MAP2K4: variants seen among roughly 807,000 people sequenced by gnomAD.
MAP2K4 encodes dual specificity mitogen-activated protein kinase kinase 4.
A neutral mutation model predicts 48.5 loss-of-function variants in MAP2K4; 4 were observed. The ratio of observed to expected loss-of-function variants is 0.08; its 90% CI spans 0.04 to 0.19. MAP2K4 has a LOEUF of 0.19. MAP2K4 is among the 10% of genes least tolerant of loss of function. MAP2K4 has a pLI of 1.00. For synonymous variants in MAP2K4, 166 were observed against 173.1 expected (o/e 0.96, Z 0.32); for missense variants, 258 against 493.3 (o/e 0.52, Z 4.52).
intron 5 of MAP2K4, 148 bp from the exon 6 acceptor site, chr17:12,110,226 CT>C (rs1228223088): frequency 1.6e-6 from 1 of 638,718 alleles, no homozygotes; most frequent in Non-Finnish European, 2.8e-6. Flanking sequence ...TATTCAGTAT[CT>C]TTGGTTAACA....
At chr17:12,104,082 T>G (rs963412098) in intron 4 of MAP2K4, among the ~76,000 whole-genome samples, 60 of 152,158 alleles carry the variant, frequency 3.9e-4, no homozygotes, top group Non-Finnish European at 1.0e-4. Context: ...CCAACTGGAG[T>G]ACCGACTTAA....
chr17:12,084,203 A>ACTTAATCT (rs1404076118), intron 3 of MAP2K4, among the ~76,000 whole-genome samples: 1 of 152,156 alleles, frequency 6.6e-6, no homozygotes, highest in East Asian at 1.9e-4. Flanking sequence ...TACCCCAAAG[A>ACTTAATCT]CTTAATCTAA....
chr17:12,100,890 A>C (rs1971915730), intron 4 of MAP2K4, among the ~76,000 whole-genome samples: 1 of 152,066 alleles, frequency 6.6e-6, no homozygotes, highest in African/African-American at 2.4e-5. Context: ...TCTGTTGTAC[A>C]TTTTTATTTA....
intron 2 of MAP2K4, among the ~76,000 whole-genome samples, chr17:12,076,863 G>A (rs1374798802): frequency 2.0e-5 from 3 of 152,044 alleles, no homozygotes; most frequent in Middle Eastern, 3.4e-3. Context: ...TATTTTGTGT[G>A]TGTGTGTGTG....
At chr17:12,091,786 C>G (rs1457445564) in intron 3 of MAP2K4, among the ~76,000 whole-genome samples, 1 of 152,038 alleles carries the variant, frequency 6.6e-6, no homozygotes, top group East Asian at 1.9e-4. Context: ...AAAAAATTAA[C>G]TTCAAGTTTA....
chr17:12,063,742 G>T (rs1597427612), intron 2 of MAP2K4, among the ~76,000 whole-genome samples: 1 of 152,146 alleles, frequency 6.6e-6, no homozygotes, highest in East Asian at 1.9e-4. Context: ...GGAGGCCGAG[G>T]CAGGCGGGTC....
At chr17:12,113,740 G>A (rs746073124) in intron 7 of MAP2K4, among the ~76,000 whole-genome samples, 66 of 152,184 alleles carry the variant, frequency 4.3e-4, no homozygotes, top group Non-Finnish European at 3.4e-4. Flanking sequence ...TACAGAGTCT[G>A]AAGCTGCATA....
At chr17:12,022,504 A>G (rs1969117301) in intron 1 of MAP2K4, among the ~76,000 whole-genome samples, 1 of 152,206 alleles carries the variant, frequency 6.6e-6, no homozygotes, top group Non-Finnish European at 1.5e-5. Context: ...TTAGGATTGT[A>G]TTTCTTGTTC....
At chr17:12,138,332 C>T (rs1973269934) in intron 9 of MAP2K4, among the ~76,000 whole-genome samples, 2 of 152,016 alleles carry the variant, frequency 1.3e-5, no homozygotes, top group African/African-American at 4.8e-5. Context: ...CAACCAGAAG[C>T]CTTACTGATA....
At chr17:12,109,683 A>G (rs959173344) in intron 5 of MAP2K4, among the ~76,000 whole-genome samples, 4 of 152,188 alleles carry the variant, frequency 2.6e-5, no homozygotes, top group African/African-American at 4.8e-5. Flanking sequence ...TTAGCATCCA[A>G]TGAGGGTGGA....
rs538102251 is a variant in MAP2K4, at chr17:12,059,735, T to G, written c.218+4744T>G. 2.2e-4 allele frequency among the ~76,000 whole-genome samples: 34 copies of G among 152,344 alleles called. No homozygotes were observed. The East Asian group carries it at 3.5e-3, about 16-fold the overall frequency. On this transcript the variant is annotated intron_variant, in intron 2 of 10. Transcript: ENST00000353533. ...TGCTATAGAACATCTAGGAGTAGTT[T>G]AAAGAGGTTTCAAAGTCCCTAGTTA...
At position 12,081,279 on chromosome 17, in the gene MAP2K4, C is replaced by A; in HGVS notation, c.219-77C>A. 9.0e-7 allele frequency: 1 copy of A among 1,116,018 alleles called. No individual in the cohort carries two copies. The highest frequency in any genetic ancestry group is 1.3e-6 in the Non-Finnish European group (1 of 789,768). 69.1% of individuals were successfully genotyped at this position (1,116,018 alleles called of 1,614,324 possible). ...AGTAATTTAGAAAACATTTTTCCCACACATTAATCAGTACTAAAAGAAAAA... is the reference window on the plus strand; with the variant it reads ...AGTAATTTAGAAAACATTTTTCCCAAACATTAATCAGTACTAAAAGAAAAA... On this transcript the variant is annotated intron_variant, in intron 2 of 10. Transcript: ENST00000353533. This position sits in a 1 kb window ranked among gnomAD's most constrained non-coding sequence, Gnocchi z 4.2.
chr17:12,073,218 C>A (rs551533887), intron 2 of MAP2K4, among the ~76,000 whole-genome samples: 3 of 152,078 alleles, frequency 2.0e-5, no homozygotes, highest in African/African-American at 7.2e-5. Flanking sequence ...ATGTTCATTT[C>A]TTCTCCTGCC....
intron 9 of MAP2K4, among the ~76,000 whole-genome samples, chr17:12,137,841 T>C (rs1264510278): frequency 1.3e-5 from 2 of 152,146 alleles, no homozygotes; most frequent in Non-Finnish European, 2.9e-5. Flanking sequence ...TTAATTGATA[T>C]TCTGTAGTTT....
At chr17:12,054,122 A>G (rs1970219682) in intron 1 of MAP2K4, among the ~76,000 whole-genome samples, 1 of 152,272 alleles carries the variant, frequency 6.6e-6, no homozygotes, top group Admixed American at 6.5e-5. Flanking sequence ...TCTGATTTCA[A>G]TTGTAGTGAA....
chr17:12,056,460 CTAAT>C (rs1348111508), intron 2 of MAP2K4, among the ~76,000 whole-genome samples: 1 of 152,016 alleles, frequency 6.6e-6, no homozygotes, highest in African/African-American at 2.4e-5. Context: ...TTGTTCTTAA[CTAAT>C]GTTTTATAAT....
Position 12,142,621 on chromosome 17 carries a change from G to A in MAP2K4, c.*1361G>A, listed in dbSNP as rs1433459464. On this transcript the variant is annotated 3_prime_UTR_variant, in exon 11 of 11. Transcript: ENST00000353533. Reference sequence around the variant, plus strand: ...GAGGATCCGAAACGGCAGCCTTTACGTTCATCACCTGCTAGAACCTCTCGT... The same window carrying A: ...GAGGATCCGAAACGGCAGCCTTTACATTCATCACCTGCTAGAACCTCTCGT... 2 of 232,946 alleles carry A rather than the reference G, an allele frequency of 8.6e-6. No individual in the cohort carries two copies. Among genetic ancestry groups the A allele is most frequent in the Admixed American group, 5.6e-5 (1 of 17,756 alleles). The allele number at this position is 232,946 out of a possible 1,614,324, so 14.4% of individuals were successfully genotyped here.
intron 3 of MAP2K4, among the ~76,000 whole-genome samples, chr17:12,092,894 C>T (rs377662177): frequency 3.3e-5 from 5 of 152,034 alleles, no homozygotes; most frequent in East Asian, 1.9e-4. Context: ...GGAGTGGTGG[C>T]GGGCGCCTGT....
Position 12,141,135 on chromosome 17 carries a change from A to G in MAP2K4, c.1087-12A>G. 1.3e-6 allele frequency: 2 copies of G among 1,574,734 alleles called. No individual in the cohort carries two copies. The highest frequency in any genetic ancestry group is 1.7e-6 in the Non-Finnish European group (2 of 1,144,548). On this transcript the variant is annotated splice_polypyrimidine_tract_variant and intron_variant, in intron 10 of 10. Transcript: ENST00000353533. ...CAAACTTTTGACTTTTTTGTTTTCA[A>G]TTTTCTTGCAGAAACATCCCTTTAT...
Sources: gnomAD v4.1 joint callset for allele counts (sites outside exome capture counted in the v4.1 genomes callset) on GRCh38, gnomAD v4.1.1 for gene constraint, Gnocchi (gnomAD v3.1) non-coding constraint, MANE v1.5 for transcripts, NCBI Gene and HGNC (gene_info 2026-07-23, HGNC 2026-07-21) for gene names.